The following FNBP4 variants were observed in gnomAD, a reference collection of about 807,000 sequenced individuals.
FNBP4 encodes formin-binding protein 4.
FNBP4 carries 34 observed loss-of-function variants against 119.3 expected under a neutral mutation model. The ratio of observed to expected loss-of-function variants is 0.28; its 90% CI spans 0.22 to 0.38. FNBP4 has a LOEUF of 0.38. Among genes scored for constraint, FNBP4 ranks in the 10% least tolerant of loss-of-function variants. The pLI, the probability that FNBP4 is intolerant of heterozygous loss-of-function variation, is 1.00. For missense variants in FNBP4, 1,112 were observed against 1,228.9 expected (o/e 0.90, Z 1.42); for synonymous variants, 462 against 430.6 (o/e 1.07, Z -0.90).
rs758045755 is a variant in FNBP4 at position 47,743,992 on chromosome 11, T to C, written c.1417A>G (p.Ser473Gly). ...TSPESTSRSS[S>G]KTGRDTPENG... ...TCTGGAGTATCTCGTCCAGTTTTAC[T>C]AGAACTCCTACTGGTAGATTCTGGA... Residue 473 changes from serine (S) to glycine (G), a missense_variant, in exon 8 of 17, where the codon AGT becomes GGT. Ser to Gly is a moderately conservative substitution (Grantham distance 56). Coordinates refer to ENST00000263773, the MANE Select transcript of FNBP4 (RefSeq NM_015308.5). 3.1e-6 allele frequency: 5 copies of C among 1,614,246 alleles called. No individual in the cohort carries two copies. The Admixed American group carries it at 5.0e-5, about 16-fold the overall frequency.
Position 47,746,172 on chromosome 11 carries a change from C to A in FNBP4, c.1129G>T (p.Asp377Tyr). 6.2e-7 allele frequency: 1 copy of A among 1,614,172 alleles called. No homozygotes were observed. Among genetic ancestry groups the A allele is most frequent in the Non-Finnish European group, 8.5e-7 (1 of 1,180,036 alleles). Reference protein sequence around the residue: ...TIVKPQEIMLDNIEDPSQEDL... With the variant: ...TIVKPQEIMLYNIEDPSQEDL... The stretch of plus-strand genomic sequence containing the variant: ...TCCTGAGAAGGGTCTTCTATATTGT[C>A]CAACATAATTTCCTGTGGCTTTACT... The change falls in exon 7 of 17, where the codon GAC (aspartate) becomes TAC (tyrosine). Residue 377 changes from aspartate to tyrosine, a missense_variant. By Grantham distance (160) the Asp-to-Tyr change is radical. This residue lies in a region of FNBP4 where 826 missense variants were observed against 988.8 expected (regional missense o/e 0.84). Coordinates refer to ENST00000263773, the MANE Select transcript of FNBP4 (RefSeq NM_015308.5).
chr11:47,717,416 TAA>T lies in FNBP4; in HGVS notation c.*4_*5del. 6.2e-7 allele frequency: 1 copy of T among 1,602,088 alleles called. No homozygotes were observed. The highest frequency in any genetic ancestry group is 8.5e-7 in the Non-Finnish European group (1 of 1,173,592). Reference sequence around the variant, plus strand: ...ATAATACAAAAAAGTTTTAAAAACTTAAAAACTATGTGTTTGGAGCCATTTTC... The same window carrying T: ...ATAATACAAAAAAGTTTTAAAAACTTAAACTATGTGTTTGGAGCCATTTTC... On this transcript the variant is annotated 3_prime_UTR_variant, in exon 17 of 17. Coordinates refer to ENST00000263773, the MANE Select transcript of FNBP4 (RefSeq NM_015308.5).
chr11:47,762,928 G>T (rs900194717), intron 2 of FNBP4, among the ~76,000 whole-genome samples: 1 of 49,578 alleles, frequency 2.0e-5, no homozygotes, highest in Non-Finnish European at 6.7e-5. Context: ...AAAAAAAAAA[G>T]AGTCTCTCTG....
At chr11:47,752,057 TA>T (rs2097605073) in intron 4 of FNBP4, among the ~76,000 whole-genome samples, 1 of 152,108 alleles carries the variant, frequency 6.6e-6, no homozygotes, top group Non-Finnish European at 1.5e-5. Context: ...AATTACTTTT[TA>T]AAAGATAAAA....
intron 16 of FNBP4, among the ~76,000 whole-genome samples, chr11:47,718,045 G>A (rs566043528): frequency 5.3e-5 from 8 of 151,908 alleles, no homozygotes; most frequent in East Asian, 3.9e-4. Context: ...GTGAGCCACC[G>A]TGCCCGGCCT....
intron 10 of FNBP4, among the ~76,000 whole-genome samples, chr11:47,733,691 CT>C (rs930426673): frequency 2.6e-5 from 4 of 152,262 alleles, no homozygotes; most frequent in Admixed American, 2.6e-4. Context: ...TTACCTAATC[CT>C]GCCCTGCCAT....
chr11:47,759,264 T>C lies in FNBP4; in HGVS notation c.314-4600A>G, dbSNP rs183342779. 5.1e-4 allele frequency among the ~76,000 whole-genome samples: 76 copies of C among 149,294 alleles called. 1 individual carries two copies. Among genetic ancestry groups the C allele is most frequent in the African/African-American group, 1.7e-3 (70 of 40,444 alleles). ...TTCGCTCTTCTTGCCCAGGCTGGAG[T>C]GCAATGGTGCAGTCTTGACTCACTG... is the stretch of plus-strand genomic sequence containing the variant. On this transcript the variant is annotated intron_variant, in intron 2 of 16. Coordinates refer to ENST00000263773, the MANE Select transcript of FNBP4 (RefSeq NM_015308.5).
intron 2 of FNBP4, among the ~76,000 whole-genome samples, chr11:47,760,002 A>G (rs1430250163): frequency 6.6e-6 from 1 of 152,190 alleles, no homozygotes; most frequent in African/African-American, 2.4e-5. Flanking sequence ...AATCATAGAT[A>G]TAATCACTTT....
chr11:47,749,448 A>G (rs2097597408), intron 6 of FNBP4, among the ~76,000 whole-genome samples: 1 of 151,942 alleles, frequency 6.6e-6, no homozygotes, highest in African/African-American at 2.4e-5. Flanking sequence ...AATCCAAGCT[A>G]CTCGGGAAGT....
intron 8 of FNBP4, among the ~76,000 whole-genome samples, chr11:47,737,464 G>C (rs1385348456): frequency 6.6e-6 from 1 of 152,092 alleles, no homozygotes; most frequent in African/African-American, 2.4e-5. Flanking sequence ...TTTAGAGACA[G>C]GGTCTCATTC....
intron 12 of FNBP4, among the ~76,000 whole-genome samples, chr11:47,727,250 TC>T (rs1304418571): frequency 1.3e-4 from 17 of 134,078 alleles, no homozygotes; most frequent in South Asian, 2.8e-4. Flanking sequence ...ATACTTTTCT[TC>T]TTTTTTTTTT....
rs1360952923 is a variant in FNBP4 at position 47,724,171 on chromosome 11, C to A, written c.2321G>T (p.Ser774Ile). 1.2e-6 allele frequency: 2 copies of A among 1,613,788 alleles called. No individual in the cohort carries two copies. Among genetic ancestry groups the A allele is most frequent in the East Asian group, 4.5e-5 (2 of 44,900 alleles). Reference sequence around the variant, plus strand: ...ACTAGAGATGGTGGAATCAACTGAACTCTGAAACACAAACATTTGTTATCA... The same window carrying A: ...ACTAGAGATGGTGGAATCAACTGAAATCTGAAACACAAACATTTGTTATCA... ...SAQTTVVTSQ[S>I]SVDSTISSSS... The change falls in exon 14 of 17, where the codon AGT becomes ATT. Residue 774 changes from serine to isoleucine, a missense_variant and splice_region_variant. Physicochemically the swap from Ser to Ile is moderately radical, Grantham distance 142 (BLOSUM62 -2). Coordinates refer to ENST00000263773, the MANE Select transcript of FNBP4 (RefSeq NM_015308.5).
intron 8 of FNBP4, among the ~76,000 whole-genome samples, chr11:47,742,703 C>A (rs565113026): frequency 2.6e-5 from 4 of 151,514 alleles, no homozygotes; most frequent in South Asian, 4.2e-4. Context: ...GCCTTGCCAA[C>A]ATGGTGAAAC....
intron 12 of FNBP4, among the ~76,000 whole-genome samples, chr11:47,728,706 T>C (rs1481570565): frequency 6.6e-6 from 1 of 152,000 alleles, no homozygotes; most frequent in Non-Finnish European, 1.5e-5. Flanking sequence ...TAGGCTAATA[T>C]TCTGCAAAGA....
intron 6 of FNBP4, among the ~76,000 whole-genome samples, chr11:47,749,890 G>C (rs111648421): frequency 1.5e-3 from 233 of 152,196 alleles, no homozygotes; most frequent in African/African-American, 5.2e-3. Flanking sequence ...CCGATCCCAG[G>C]CATTTCAATT....
chr11:47,729,421 A>T (rs553022423), intron 12 of FNBP4: 2 of 985,354 alleles, frequency 2.0e-6, no homozygotes, highest in Middle Eastern at 5.2e-4. Flanking sequence ...TCAAACACTG[A>T]AACAACAAAT....
chr11:47,733,408 T>C (rs1284840226), intron 10 of FNBP4, among the ~76,000 whole-genome samples: 1 of 152,088 alleles, frequency 6.6e-6, no homozygotes, highest in Non-Finnish European at 1.5e-5. Context: ...GAGCAATCTC[T>C]GCTCGCAACC....
chr11:47,720,213 T>C (rs931019081), intron 15 of FNBP4, 127 bp from the exon 16 acceptor site: 1 of 868,154 alleles, frequency 1.2e-6, no homozygotes, highest in Non-Finnish European at 1.7e-6. Context: ...AGAAAGTAAA[T>C]ACCATTCTAA....
intron 1 of FNBP4, 149 bp from the exon 2 acceptor site, chr11:47,765,511 A>G: frequency 6.9e-6 from 3 of 436,962 alleles, no homozygotes; most frequent in Non-Finnish European, 1.2e-5. Context: ...AATTTTTTAA[A>G]AAGTGCATTT....
Sources: gnomAD v4.1 joint callset for allele counts (sites outside exome capture counted in the v4.1 genomes callset) on GRCh38, gnomAD v4.1.1 for gene constraint, gnomAD v4.1.1 regional missense constraint, MANE v1.5 for transcripts, NCBI Gene and HGNC (gene_info 2026-07-23, HGNC 2026-07-21) for gene names.